The following KRT80 variants were observed in gnomAD, a reference collection of about 807,000 sequenced individuals.
KRT80 encodes keratin, type II cytoskeletal 80.
In KRT80, 36 loss-of-function variants were observed where a neutral mutation model predicts 51.5. That is an observed-to-expected ratio of 0.70 (90% CI 0.54 to 0.92). KRT80 has a LOEUF of 0.92. KRT80 is among the 40% of genes least tolerant of loss of function. The pLI, the probability that KRT80 is intolerant of heterozygous loss-of-function variation, is 0.00. For synonymous variants in KRT80, 235 were observed against 248.3 expected (o/e 0.95, Z 0.50); for missense variants, 566 against 591.7 (o/e 0.96, Z 0.45).
chr12:52,172,477 GGGCCAGGAGTC>G, intron 6 of KRT80, 59 bp from the exon 7 acceptor site: 2 of 1,497,908 alleles, frequency 1.3e-6, no homozygotes, highest in Admixed American at 1.8e-5. Context: ...GAGCGGGCCA[GGGCCAGGAGTC>G]GTCTCTGTCC....
chr12:52,176,637 T>A (rs1385959564), intron 4 of KRT80, among the ~76,000 whole-genome samples: 2 of 152,090 alleles, frequency 1.3e-5, no homozygotes, highest in Non-Finnish European at 2.9e-5. Context: ...ATGCGCCACC[T>A]CACCCAGCTA....
At chr12:52,174,604 C>T (rs1592357946) in intron 4 of KRT80, among the ~76,000 whole-genome samples, 1 of 152,266 alleles carries the variant, frequency 6.6e-6, no homozygotes, top group African/African-American at 2.4e-5. Context: ...CACACATCCT[C>T]ACCAGGCTGG....
rs776245920 is a variant in KRT80, at chr12:52,171,719, G to T, written c.1179-6C>A. 7.9e-6 allele frequency: 12 copies of T among 1,518,912 alleles called. No individual in the cohort carries two copies. The highest frequency in any genetic ancestry group is 8.1e-6 in the Non-Finnish European group (9 of 1,115,422). 94.1% of individuals were successfully genotyped at this position (1,518,912 alleles called of 1,614,324 possible). A position where few individuals can be genotyped will look rare whatever the true frequency, so the allele number is the denominator to read the frequency against. The stretch of plus-strand genomic sequence containing the variant: ...TGGCTGAGGGCGAGTCCATCCTGGG[G>T]GTGGGGGACGGGGGGGTGGGAGAGG... On this transcript the variant is annotated splice_polypyrimidine_tract_variant and splice_region_variant and intron_variant, in intron 7 of 8. Coordinates refer to ENST00000394815, the MANE Select transcript of KRT80 (RefSeq NM_182507.3).
At chr12:52,171,968 T>A (rs1396247962) in intron 7 of KRT80, among the ~76,000 whole-genome samples, 1 of 152,064 alleles carries the variant, frequency 6.6e-6, no homozygotes, top group Non-Finnish European at 1.5e-5. Context: ...ATCACATGAA[T>A]CATCCCTGCC....
At position 52,170,550 on chromosome 12, in the gene KRT80, C is replaced by T. The variant is rs1023776341; in HGVS notation, c.*848G>A. On this transcript the variant is annotated 3_prime_UTR_variant, in exon 9 of 9. Coordinates refer to ENST00000394815, the MANE Select transcript of KRT80 (RefSeq NM_182507.3). ...TGGGGGCACAGAGCTCAGATCCAGG[C>T]TGGGTAGGACCCCAGCATGGCAGGG... 2 of 152,250 alleles carry T rather than the reference C, an allele frequency of 1.3e-5. No individual in the cohort carries two copies. Among genetic ancestry groups the T allele is most frequent in the Non-Finnish European group, 2.9e-5 (2 of 68,080 alleles). The allele number at this position is 152,250 out of a possible 1,614,324, so 9.4% of individuals were successfully genotyped here. A position where few individuals can be genotyped will look rare whatever the true frequency, so the allele number is the denominator to read the frequency against.
Position 52,191,752 on chromosome 12 carries a change from A to G in KRT80, c.151T>C (p.Ser51Pro). The G allele has an allele frequency of 3.1e-6, 5 of 1,613,290 alleles. No homozygotes were observed. Among genetic ancestry groups the G allele is most frequent in the Non-Finnish European group, 4.2e-6 (5 of 1,179,832 alleles). ...FSSRSLTGCW[S>P]AGTISKVTVN... Reference sequence around the variant, plus strand: ...GTCACCTTGGAGATAGTGCCAGCCGACCAGCAGCCTGTGAGGCTGCGGGAG... The same window carrying G: ...GTCACCTTGGAGATAGTGCCAGCCGGCCAGCAGCCTGTGAGGCTGCGGGAG... Residue 51 changes from serine (S) to proline (P), a missense_variant, in exon 1 of 9, where the codon TCG (serine) becomes CCG (proline). By Grantham distance (74) the Ser-to-Pro change is moderately conservative. Transcript: ENST00000394815.
chr12:52,175,180 A>G (rs890061121), intron 4 of KRT80, among the ~76,000 whole-genome samples: 2 of 152,156 alleles, frequency 1.3e-5, no homozygotes, highest in Non-Finnish European at 2.9e-5. Flanking sequence ...CAGTTGGTCC[A>G]TATGTCTGTA....
chr12:52,172,049 G>T (rs570151214), intron 7 of KRT80, 149 bp downstream of exon 7: 11 of 781,004 alleles, frequency 1.4e-5, no homozygotes, highest in South Asian at 3.6e-5. Context: ...CTGGGCCAAG[G>T]TCCCAGTTTG....
chr12:52,190,206 T>C (rs1368152850), intron 1 of KRT80, among the ~76,000 whole-genome samples: 5 of 152,140 alleles, frequency 3.3e-5, no homozygotes, highest in Admixed American at 1.3e-4. Context: ...GGCACATGAA[T>C]GGAAGAAGGA....
chr12:52,174,358 C>G (rs1941180736), intron 4 of KRT80, among the ~76,000 whole-genome samples: 1 of 152,200 alleles, frequency 6.6e-6, no homozygotes, highest in Admixed American at 6.5e-5. Flanking sequence ...CTGTACTCCC[C>G]TCTCCCGGCC....
At chr12:52,185,780 G>A in intron 1 of KRT80, 193 bp from the exon 2 acceptor site, 1 of 1,261,712 alleles carries the variant, frequency 7.9e-7, no homozygotes, top group South Asian at 1.5e-5. Flanking sequence ...GTGAGATAAG[G>A]ACAGGATCAG....
chr12:52,180,892 G>A lies in KRT80; in HGVS notation c.570+11C>T, dbSNP rs772844356. 5 of 1,597,962 alleles carry A rather than the reference G, an allele frequency of 3.1e-6. No homozygotes were observed. In the African/African-American group the frequency reaches 4.1e-5, roughly 13 times the overall value. ...GAGGAAGGAGCCCCTGGGGCAGGCT[G>A]GGCAGGCTACCTTCTTCAGCTGAAC... is the stretch of plus-strand genomic sequence containing the variant. On this transcript the variant is annotated intron_variant, in intron 3 of 8. Coordinates refer to ENST00000394815, the MANE Select transcript of KRT80 (RefSeq NM_182507.3).
chr12:52,172,745 G>T (rs1941131977), intron 6 of KRT80, among the ~76,000 whole-genome samples: 1 of 152,124 alleles, frequency 6.6e-6, no homozygotes, highest in Non-Finnish European at 1.5e-5. Flanking sequence ...CTGTGTAGTT[G>T]GTGGGGGTTC....
chr12:52,182,283 C>T (rs1204483968), intron 2 of KRT80, among the ~76,000 whole-genome samples: 1 of 152,162 alleles, frequency 6.6e-6, no homozygotes, highest in African/African-American at 2.4e-5. Context: ...GAGTGCTTCA[C>T]CTGCACTCTC....
chr12:52,189,639 G>A (rs1941452347), intron 1 of KRT80, among the ~76,000 whole-genome samples: 1 of 152,198 alleles, frequency 6.6e-6, no homozygotes, highest in African/African-American at 2.4e-5. Flanking sequence ...CAAGGAGGGT[G>A]GGGCTAACAG....
chr12:52,173,842 C>T, intron 4 of KRT80, 78 bp from the exon 5 acceptor site: 1 of 1,449,456 alleles, frequency 6.9e-7, no homozygotes, highest in African/African-American at 1.4e-5. Flanking sequence ...GTCACTTTGT[C>T]CCCGGGGTGA....
intron 2 of KRT80, among the ~76,000 whole-genome samples, chr12:52,184,211 C>A (rs975021366): frequency 1.3e-5 from 2 of 152,184 alleles, no homozygotes; most frequent in Non-Finnish European, 2.9e-5. Context: ...GGCTGGGCCG[C>A]AGCACTGCAG....
At chr12:52,181,448 C>T (rs1941319137) in intron 2 of KRT80, among the ~76,000 whole-genome samples, 1 of 152,202 alleles carries the variant, frequency 6.6e-6, no homozygotes, top group Non-Finnish European at 1.5e-5. Context: ...GACACCATCC[C>T]ATTGTATTCC....
intron 4 of KRT80, among the ~76,000 whole-genome samples, chr12:52,178,112 A>G (rs1441423822): frequency 6.6e-6 from 1 of 152,168 alleles, no homozygotes; most frequent in Non-Finnish European, 1.5e-5. Context: ...GTGTATGGAG[A>G]GAAAGGCAAA....
Sources: gnomAD v4.1 joint callset for allele counts (sites outside exome capture counted in the v4.1 genomes callset) on GRCh38, gnomAD v4.1.1 for gene constraint, MANE v1.5 for transcripts, NCBI Gene and HGNC (gene_info 2026-07-23, HGNC 2026-07-21) for gene names.